The following PRMT8 variants were observed in gnomAD, a reference collection of about 807,000 sequenced individuals.
PRMT8 encodes the protein protein arginine N-methyltransferase 8.
PRMT8 carries 7 observed loss-of-function variants against 47.1 expected under a neutral mutation model. That is an observed-to-expected ratio of 0.15 (90% CI 0.08 to 0.28). The LOEUF is 0.28. Ranked by LOEUF, PRMT8 falls within the 10% of genes least tolerant of loss-of-function variation. The probability of loss-of-function intolerance (pLI) is 1.00; values close to 1 mark genes in which losing one functional copy is unlikely to be tolerated. For synonymous variants in PRMT8, 188 were observed against 186.5 expected (o/e 1.01, Z -0.07); for missense variants, 237 against 505.4 (o/e 0.47, Z 5.09).
At chr12:3,485,544 C>T (rs1865314847) in intron 1 of PRMT8, among the ~76,000 whole-genome samples, 1 of 152,254 alleles carries the variant, frequency 6.6e-6, no homozygotes, top group East Asian at 1.9e-4. Context: ...CTTGAAAATT[C>T]ATCAGTAGGT....
chr12:3,593,169 A>G lies in PRMT8; in HGVS notation c.1172A>G (p.Tyr391Cys). The G allele has an allele frequency of 1.2e-6, 2 of 1,613,844 alleles. No individual in the cohort carries two copies. The highest frequency in any genetic ancestry group is 8.5e-7 in the Non-Finnish European group (1 of 1,179,794). ...TGTGAAACATCTGTATCTAATGACT[A>G]CAAAATGCGTTAGCACACGTGGGAA... ...QLCETSVSNDYKMR is the reference protein window; with the variant it reads ...QLCETSVSNDCKMR Residue 391 changes from tyrosine (Y) to cysteine (C), a missense_variant, in exon 10 of 10, where the codon TAC becomes TGC. By Grantham distance (194) the Tyr-to-Cys change is radical. Around this residue, in one of 5 missense-constraint regions of PRMT8, gnomAD observed 151 missense variants for 341.1 expected, o/e 0.44. Coordinates refer to ENST00000382622, the MANE Select transcript of PRMT8 (RefSeq NM_019854.5). The surrounding 1 kb of genome is among the most constrained non-coding windows in gnomAD (Gnocchi z 4.8).
At chr12:3,498,379 A>C (rs1317812829) in intron 1 of PRMT8, among the ~76,000 whole-genome samples, 2 of 152,234 alleles carry the variant, frequency 1.3e-5, no homozygotes, top group Non-Finnish European at 2.9e-5. Context: ...AATTAACAGC[A>C]GGAATGTGGA....
chr12:3,439,356 A>G (rs1291471128), intron 1 of PRMT8, among the ~76,000 whole-genome samples: 2 of 152,146 alleles, frequency 1.3e-5, no homozygotes, highest in Non-Finnish European at 2.9e-5. Context: ...TCTCCTGGGT[A>G]CCGGTGGTCT....
chr12:3,512,536 T>C (rs192592720), intron 1 of PRMT8, among the ~76,000 whole-genome samples: 52 of 152,226 alleles, frequency 3.4e-4, no homozygotes, highest in South Asian at 1.7e-3. Flanking sequence ...CAGCCAGAAG[T>C]CAGGAATCAG....
At chr12:3,545,058 G>C (rs1250180264) in intron 2 of PRMT8, among the ~76,000 whole-genome samples, 1 of 152,176 alleles carries the variant, frequency 6.6e-6, no homozygotes, top group Non-Finnish European at 1.5e-5. Flanking sequence ...TGAAGGAAAG[G>C]GTTGTAGTTA....
chr12:3,514,505 C>CCATCCGTACTTCCACTGA lies in PRMT8; in HGVS notation c.75+22805_75+22806insCATCCGTACTTCCACTGA, dbSNP rs1565427717. Among the ~76,000 whole-genome samples the CCATCCGTACTTCCACTGA allele has an allele frequency of 6.6e-6, 1 of 152,214 alleles. No homozygotes were observed. The highest frequency in any genetic ancestry group is 2.4e-5 in the African/African-American group (1 of 41,460). ...CTGAAGATGTCCAATATAAGCGGGT[C>CCATCCGTACTTCCACTGA]AGGGTCACCCTGCCTCCAAGTGGAA... On this transcript the variant is annotated intron_variant, in intron 1 of 9. Transcript: ENST00000382622. This position sits in a 1 kb window ranked among gnomAD's most constrained non-coding sequence, Gnocchi z 5.9.
intron 1 of PRMT8, among the ~76,000 whole-genome samples, chr12:3,414,564 C>A (rs1174700917): frequency 6.6e-6 from 1 of 152,226 alleles, no homozygotes; most frequent in Admixed American, 6.5e-5. Flanking sequence ...CTGGCTGGAG[C>A]AGGCTCTGTT....
rs138953026 is a variant in PRMT8, at chr12:3,454,095, C to T, written c.48+72653C>T. Among the ~76,000 whole-genome samples the T allele has an allele frequency of 6.0e-3, 916 of 152,238 alleles. 6 individuals carry two copies. Among genetic ancestry groups the T allele is most frequent in the African/African-American group, 0.021 (876 of 41,526 alleles). ...CCACGGGGCTCAAAGGGGCCTGGGG[C>T]CAAACACGGAGGCCCATCTGACTTG... On this transcript the variant is annotated intron_variant, in intron 1 of 9. Transcript: ENST00000452611.
At position 3,491,365 on chromosome 12, in the gene PRMT8, G is replaced by A. The variant is rs1396695594; in HGVS notation, c.-261G>A. ...CTTAGCCCGCAGCGCGGGTGGAGAG[G>A]GGCGGGGAGGGGGTCGGGGGCACGA... is the stretch of plus-strand genomic sequence containing the variant. On this transcript the variant is annotated 5_prime_UTR_variant, in exon 1 of 10. Transcript: ENST00000382622. 4 of 1,162,202 alleles carry A rather than the reference G, an allele frequency of 3.4e-6. No homozygotes were observed. The highest frequency in any genetic ancestry group is 4.2e-6 in the Non-Finnish European group (4 of 941,678). The allele number at this position is 1,162,202 out of a possible 1,614,324, so 72.0% of individuals were successfully genotyped here.
intron 1 of PRMT8, 100 bp downstream of exon 1, chr12:3,491,800 G>A: frequency 7.6e-7 from 1 of 1,317,330 alleles, no homozygotes; most frequent in Non-Finnish European, 1.0e-6. Flanking sequence ...ACTTTCCCCA[G>A]TTTCATCCCG....
At chr12:3,477,115 C>A (rs556552645) in intron 1 of PRMT8, among the ~76,000 whole-genome samples, 1 of 152,234 alleles carries the variant, frequency 6.6e-6, no homozygotes, top group Non-Finnish European at 1.5e-5. Flanking sequence ...TGCAGACCAA[C>A]TGACGCTCTT....
chr12:3,543,136 T>C (rs1680346104), intron 2 of PRMT8, among the ~76,000 whole-genome samples: 2 of 152,226 alleles, frequency 1.3e-5, no homozygotes, highest in Admixed American at 1.3e-4. Context: ...CTTAGCAGCC[T>C]TCCCATTGGG....
chr12:3,451,939 G>T (rs956802746), intron 1 of PRMT8, among the ~76,000 whole-genome samples: 1 of 152,200 alleles, frequency 6.6e-6, no homozygotes, highest in South Asian at 2.1e-4. Context: ...AGATAGATGC[G>T]GCTTCTCCAC....
chr12:3,385,565 C>G (rs1864130415), intron 1 of PRMT8, among the ~76,000 whole-genome samples: 2 of 90,210 alleles, frequency 2.2e-5, no homozygotes, highest in South Asian at 1.1e-3. Context: ...AAAGAAAACT[C>G]CTTATTAGAT....
chr12:3,510,995 C>T lies in PRMT8; in HGVS notation c.75+19295C>T, dbSNP rs149567259. Among the ~76,000 whole-genome samples the T allele has an allele frequency of 3.0e-3, 451 of 152,324 alleles. 1 individual carries two copies. Among genetic ancestry groups the T allele is most frequent in the Middle Eastern group, 0.014 (4 of 294 alleles). On this transcript the variant is annotated intron_variant, in intron 1 of 9. Coordinates refer to ENST00000382622, the MANE Select transcript of PRMT8 (RefSeq NM_019854.5). ...ATCCTGACCCTGCTGCAGAGAGTTA[C>T]ACATCTGAAAAGTGGATGAAATGAT...
In PRMT8 at chr12:3,583,138, C is replaced by T. The variant is rs199853675; in HGVS notation, c.909C>T (p.Tyr303=). 59 of 1,614,004 alleles carry T rather than the reference C, an allele frequency of 3.7e-5. No individual in the cohort carries two copies. The highest frequency in any genetic ancestry group is 3.3e-4 in the South Asian group (30 of 91,074). ...AFCLQIQRND[Y]VHALVTYFNI... ...GCCTGCAGATACAGCGCAACGACTA[C>T]GTCCACGCCCTGGTCACCTATTTTA... The change falls in exon 8 of 10, where the codon TAC becomes TAT. Residue 303 remains tyrosine, a synonymous_variant. Transcript: ENST00000382622. This position sits in a 1 kb window ranked among gnomAD's most constrained non-coding sequence, Gnocchi z 4.7.
At chr12:3,466,102 G>A (rs1006517000) in intron 1 of PRMT8, among the ~76,000 whole-genome samples, 1 of 152,230 alleles carries the variant, frequency 6.6e-6, no homozygotes, top group Non-Finnish European at 1.5e-5. Context: ...GGAGGAAGGT[G>A]ACGCTGCACT....
At chr12:3,540,393 G>A (rs1213315815) in intron 1 of PRMT8, among the ~76,000 whole-genome samples, 1 of 152,182 alleles carries the variant, frequency 6.6e-6, no homozygotes, top group Non-Finnish European at 1.5e-5. Context: ...CTAGGTGTGT[G>A]TGGCTCCTCG....
In PRMT8 at chr12:3,468,532, C is replaced by T. The variant is rs118144690; in HGVS notation, c.49-72074C>T. Reference sequence around the variant, plus strand: ...GCTCCTCCCAACACTGAGGCCCAGTCGTTGGCATCAGGCCAATTCCTGGAT... The same window carrying T: ...GCTCCTCCCAACACTGAGGCCCAGTTGTTGGCATCAGGCCAATTCCTGGAT... On this transcript the variant is annotated intron_variant, in intron 1 of 9. Transcript: ENST00000452611. 7.9e-5 allele frequency among the ~76,000 whole-genome samples: 12 copies of T among 152,338 alleles called. No individual in the cohort carries two copies. The South Asian group carries it at 1.2e-3, about 16-fold the overall frequency.
Sources: allele counts gnomAD v4.1 joint callset (sites outside exome capture counted in the v4.1 genomes callset), GRCh38; gene constraint gnomAD v4.1.1; regional missense constraint gnomAD v4.1.1; non-coding constraint Gnocchi (gnomAD v3.1); transcripts MANE v1.5; gene names NCBI Gene and HGNC (gene_info 2026-07-23, HGNC 2026-07-21).